The following CACNA1A variants were observed in gnomAD, a reference collection of about 807,000 sequenced individuals.
The protein encoded by CACNA1A is voltage-dependent P/Q-type calcium channel subunit alpha-1A.
A neutral mutation model predicts 262.4 loss-of-function variants in CACNA1A; 57 were observed. The observed-to-expected ratio is 0.22, with a 90% CI of 0.18 to 0.27. The LOEUF (loss-of-function observed/expected upper bound fraction) is 0.27. CACNA1A is among the 10% of genes least tolerant of loss of function. The pLI, the probability that CACNA1A is intolerant of heterozygous loss-of-function variation, is 1.00. For missense variants in CACNA1A, 2,526 were observed against 3,562.8 expected (o/e 0.71, Z 7.41); for synonymous variants, 1,431 against 1,419.3 (o/e 1.01, Z -0.18).
chr19:13,493,475 G>A (rs1172790924), intron 1 of CACNA1A, among the ~76,000 whole-genome samples: 1 of 152,224 alleles, frequency 6.6e-6, no homozygotes, highest in Non-Finnish European at 1.5e-5. Context: ...TCCAGACATT[G>A]CCAAAAGTCC....
chr19:13,368,754 G>A (rs2059262727), intron 4 of CACNA1A, among the ~76,000 whole-genome samples: 1 of 148,216 alleles, frequency 6.7e-6, no homozygotes. Flanking sequence ...TAATGTGGGT[G>A]CTGGCCGGGC....
chr19:13,440,715 C>A (rs1187582765), intron 3 of CACNA1A, among the ~76,000 whole-genome samples: 1 of 152,164 alleles, frequency 6.6e-6, no homozygotes, highest in Non-Finnish European at 1.5e-5. Context: ...TGTCCCTGGG[C>A]AAGTAACATC....
At chr19:13,406,323 C>T (rs1319754952) in intron 3 of CACNA1A, among the ~76,000 whole-genome samples, 1 of 150,400 alleles carries the variant, frequency 6.6e-6, no homozygotes, top group Admixed American at 6.7e-5. Context: ...GGTGTGGTGG[C>T]GGGTGCCTGT....
chr19:13,217,498 C>T (rs570264685), intron 38 of CACNA1A, among the ~76,000 whole-genome samples: 1 of 152,304 alleles, frequency 6.6e-6, no homozygotes, highest in Non-Finnish European at 1.5e-5. Context: ...CCATTGTTGT[C>T]CCCACACCCT....
chr19:13,226,060 T>C (rs546962951), intron 37 of CACNA1A: 1 of 152,090 alleles, frequency 6.6e-6, no homozygotes, highest in South Asian at 2.1e-4. Context: ...CTCACCACAT[T>C]GGTAGATTGC....
rs200082880 is a variant in CACNA1A, at chr19:13,283,416, G to T, written c.3693-20C>A. The T allele has an allele frequency of 3.1e-6, 5 of 1,613,470 alleles. No homozygotes were observed. In the Admixed American group the frequency reaches 6.7e-5, roughly 22 times the overall value. ...CGAAGGCTGTTGGAGACAGATGGGC[G>T]TGCAGAGGTCCACTCAGACCACAGG... On this transcript the variant is annotated intron_variant, in intron 21 of 46. Coordinates refer to ENST00000360228, the MANE Select transcript of CACNA1A (RefSeq NM_001127222.2).
At chr19:13,380,107 A>G (rs1251073001) in intron 3 of CACNA1A, among the ~76,000 whole-genome samples, 1 of 130,732 alleles carries the variant, frequency 7.6e-6, no homozygotes, top group Admixed American at 8.2e-5. Context: ...AATATGGTGA[A>G]AACCCGTCTC....
At chr19:13,438,552 G>C (rs1000462969) in intron 3 of CACNA1A, among the ~76,000 whole-genome samples, 39 of 152,300 alleles carry the variant, frequency 2.6e-4, no homozygotes, top group Non-Finnish European at 2.6e-4. Flanking sequence ...TTCCAGCCGA[G>C]GTCATCCTGG....
At chr19:13,345,309 G>A (rs2058744315) in intron 6 of CACNA1A, among the ~76,000 whole-genome samples, 1 of 152,268 alleles carries the variant, frequency 6.6e-6, no homozygotes, top group South Asian at 2.1e-4. Context: ...TGGCATGGGT[G>A]GGACTAGACC....
chr19:13,376,137 A>G (rs2059401560), intron 3 of CACNA1A, among the ~76,000 whole-genome samples: 1 of 152,212 alleles, frequency 6.6e-6, no homozygotes, highest in Middle Eastern at 3.2e-3. Flanking sequence ...AGGTGAAGTG[A>G]TAAGTGCTGA....
In CACNA1A at chr19:13,306,228, C is replaced by T. The variant is rs115406966; in HGVS notation, c.1986+1554G>A. Among the ~76,000 whole-genome samples the T allele has an allele frequency of 1.8e-3, 272 of 152,268 alleles. 1 individual carries two copies. Among genetic ancestry groups the T allele is most frequent in the African/African-American group, 6.3e-3 (262 of 41,568 alleles). ...CTCAGTCCCTCAAAGAGAAAGAATCCACCAAAGATGCTCTGAAGGTCCCGG... is the reference window on the plus strand; with the variant it reads ...CTCAGTCCCTCAAAGAGAAAGAATCTACCAAAGATGCTCTGAAGGTCCCGG... On this transcript the variant is annotated intron_variant, in intron 15 of 46. Coordinates refer to ENST00000360228, the MANE Select transcript of CACNA1A (RefSeq NM_001127222.2).
chr19:13,230,790 G>C (rs2055634538), intron 35 of CACNA1A, among the ~76,000 whole-genome samples: 2 of 150,608 alleles, frequency 1.3e-5, no homozygotes, highest in South Asian at 4.2e-4. Flanking sequence ...CTGGGCAACA[G>C]AGTGAGACTC....
At chr19:13,238,141 C>T (rs1305299371) in intron 31 of CACNA1A, among the ~76,000 whole-genome samples, 1 of 152,112 alleles carries the variant, frequency 6.6e-6, no homozygotes, top group African/African-American at 2.4e-5. Context: ...CCTCATCCAC[C>T]CTCCATCTCT....
Position 13,286,643 on chromosome 19 carries a change from T to G in CACNA1A, c.3413A>C (p.Lys1138Thr). The change falls in exon 20 of 47, where the codon AAG becomes ACG. Residue 1138 changes from lysine (K) to threonine (T), a missense_variant. Around this residue, in one of 17 missense-constraint regions of CACNA1A, gnomAD observed 765 missense variants for 748.6 expected, o/e 1.02. Coordinates refer to ENST00000360228, the MANE Select transcript of CACNA1A (RefSeq NM_001127222.2). ...PGNPSNPGPPKTPENSLIVTN... is the reference protein window; with the variant it reads ...PGNPSNPGPPTTPENSLIVTN... ...GACGATAAGGCTATTCTCGGGGGTC[T>G]TGGGGGGGCCGGGATTGGATGGGTT... 2.0e-6 allele frequency: 3 copies of G among 1,486,378 alleles called. No homozygotes were observed. The highest frequency in any genetic ancestry group is 2.1e-5 in the Admixed American group (1 of 47,656). The allele number at this position is 1,486,378 out of a possible 1,614,324, so 92.1% of individuals were successfully genotyped here.
At chr19:13,442,898 C>T (rs149623047) in intron 3 of CACNA1A, among the ~76,000 whole-genome samples, 21 of 152,340 alleles carry the variant, frequency 1.4e-4, no homozygotes, top group African/African-American at 5.0e-4. Flanking sequence ...CCTTGGCAAA[C>T]TTGACCTTAG....
At chr19:13,435,125 G>GT (rs1189758730) in intron 3 of CACNA1A, among the ~76,000 whole-genome samples, 1 of 148,084 alleles carries the variant, frequency 6.8e-6, no homozygotes, top group Admixed American at 6.8e-5. Flanking sequence ...AAAATAATTT[G>GT]TTTTTTGAGA....
chr19:13,482,640 T>C (rs1979468398), intron 1 of CACNA1A, among the ~76,000 whole-genome samples: 1 of 152,200 alleles, frequency 6.6e-6, no homozygotes, highest in Non-Finnish European at 1.5e-5. Context: ...AGATGGACCA[T>C]GGGTATTGGC....
At chr19:13,242,182 C>T (rs887352767) in intron 31 of CACNA1A, among the ~76,000 whole-genome samples, 2 of 152,222 alleles carry the variant, frequency 1.3e-5, no homozygotes, top group African/African-American at 4.8e-5. Context: ...CAAAACTACA[C>T]ACCCATTCAC....
At chr19:13,482,959 G>A (rs1979534035) in intron 1 of CACNA1A, among the ~76,000 whole-genome samples, 1 of 150,952 alleles carries the variant, frequency 6.6e-6, no homozygotes. Flanking sequence ...CTCTATTTCA[G>A]TAAGGGCCCA....
Sources: gnomAD v4.1 joint callset for allele counts (sites outside exome capture counted in the v4.1 genomes callset) on GRCh38, gnomAD v4.1.1 for gene constraint, gnomAD v4.1.1 regional missense constraint, MANE v1.5 for transcripts, NCBI Gene and HGNC (gene_info 2026-07-23, HGNC 2026-07-21) for gene names.